Variants in DDX10 observed in about 807,000 individuals in gnomAD.
The protein encoded by DDX10 is DEAD-box helicase 10.
A neutral mutation model predicts 104.3 loss-of-function variants in DDX10; 74 were observed. The observed-to-expected ratio is 0.71, with a 90% CI of 0.59 to 0.86. The LOEUF (loss-of-function observed/expected upper bound fraction) is 0.86. DDX10 is among the 40% of genes least tolerant of loss of function. The pLI, the probability that DDX10 is intolerant of heterozygous loss-of-function variation, is 0.00. For missense variants in DDX10, 952 were observed against 1,040.0 expected, an observed-to-expected ratio of 0.92 and a Z score of 1.16; for synonymous variants, 351 against 353.4, an observed-to-expected ratio of 0.99 and a Z score of 0.08.
chr11:108,704,448 T>G (rs1455362913), intron 9 of DDX10, among the ~76,000 whole-genome samples: 19 of 152,204 alleles, frequency 1.2e-4, no homozygotes, highest in Admixed American at 1.2e-3. Context: ...TCAAGGGCGT[T>G]TTGGAAGTGT....
intron 9 of DDX10, among the ~76,000 whole-genome samples, chr11:108,705,275 T>G (rs1029762191): frequency 6.6e-6 from 1 of 152,232 alleles, no homozygotes; most frequent in African/African-American, 2.4e-5. Context: ...CCTTATTCTC[T>G]TCACTACTTT....
intron 16 of DDX10, among the ~76,000 whole-genome samples, chr11:108,862,551 G>C (rs1479093544): frequency 1.3e-5 from 2 of 152,144 alleles, no homozygotes; most frequent in Admixed American, 6.5e-5. Flanking sequence ...AAATCCCCTT[G>C]TTCCAAGAAG....
In DDX10 at chr11:108,665,091, G is replaced by T. The variant is rs533821675; in HGVS notation, c.-63G>T. 105 of 1,487,234 alleles carry T rather than the reference G, an allele frequency of 7.1e-5. No individual in the cohort carries two copies. The East Asian group carries it at 2.2e-3, about 32-fold the overall frequency. The allele number at this position is 1,487,234 out of a possible 1,614,324, so 92.1% of individuals were successfully genotyped here. A position where few individuals can be genotyped will look rare whatever the true frequency, so the allele number is the denominator to read the frequency against. ...TGTGCGTTTGTCCCATGCTGGTTCC[G>T]TGAGTCTGGCCTTAGGTGTCTCGTG... On this transcript the variant is annotated 5_prime_UTR_variant, in exon 1 of 18. Coordinates refer to ENST00000322536, the MANE Select transcript of DDX10 (RefSeq NM_004398.4).
chr11:108,677,345 A>G lies in DDX10; in HGVS notation c.537+102A>G, dbSNP rs1199165290. On this transcript the variant is annotated intron_variant, in intron 4 of 17. Coordinates refer to ENST00000322536, the MANE Select transcript of DDX10 (RefSeq NM_004398.4). ...GCAGAGACTTCATCTAAACAGACTG[A>G]CCTAGACCAGGGCCTCATGGGATAG... 38 of 1,067,848 alleles carry G rather than the reference A, an allele frequency of 3.6e-5. No homozygotes were observed. The Admixed American group carries it at 8.7e-4, about 24-fold the overall frequency. 66.1% of individuals were successfully genotyped at this position (1,067,848 alleles called of 1,614,324 possible). A position where few individuals can be genotyped will look rare whatever the true frequency, so the allele number is the denominator to read the frequency against.
chr11:108,803,281 C>G (rs961483611), intron 13 of DDX10, among the ~76,000 whole-genome samples: 1 of 146,530 alleles, frequency 6.8e-6, no homozygotes, highest in African/African-American at 2.5e-5. Flanking sequence ...TTTTAAAGAA[C>G]CTTGGAACCT....
chr11:108,825,551 C>T, intron 13 of DDX10, among the ~76,000 whole-genome samples: 1 of 152,138 alleles, frequency 6.6e-6, no homozygotes, highest in East Asian at 1.9e-4. Flanking sequence ...CAGCTGAGAT[C>T]ACTGCATATC....
chr11:108,890,207 G>A (rs1025256666), intron 16 of DDX10, among the ~76,000 whole-genome samples: 1 of 152,028 alleles, frequency 6.6e-6, no homozygotes, highest in African/African-American at 2.4e-5. Context: ...AATCATTATC[G>A]ATTGTAAAAA....
chr11:108,912,665 T>C (rs1425181105), intron 16 of DDX10, among the ~76,000 whole-genome samples: 2 of 152,156 alleles, frequency 1.3e-5, no homozygotes, highest in Non-Finnish European at 2.9e-5. Flanking sequence ...ATTAGATAGC[T>C]ACAAAGATAA....
At chr11:108,873,636 A>G (rs1863111979) in intron 16 of DDX10, among the ~76,000 whole-genome samples, 1 of 152,166 alleles carries the variant, frequency 6.6e-6, no homozygotes, top group South Asian at 2.1e-4. Flanking sequence ...CTTATAAAGA[A>G]TCTCAAATTT....
chr11:108,879,789 G>A (rs569123206), intron 16 of DDX10, among the ~76,000 whole-genome samples: 37 of 152,146 alleles, frequency 2.4e-4, no homozygotes, highest in African/African-American at 5.8e-4. Context: ...CATTCTAATG[G>A]GGTTATTATG....
chr11:108,836,911 C>T (rs529056860), intron 13 of DDX10, among the ~76,000 whole-genome samples: 43 of 152,192 alleles, frequency 2.8e-4, no homozygotes, highest in Non-Finnish European at 5.4e-4. Context: ...TGCGCTGCTT[C>T]CCAAAGCTTC....
At chr11:108,900,303 G>A (rs932232369) in intron 16 of DDX10, among the ~76,000 whole-genome samples, 4 of 152,064 alleles carry the variant, frequency 2.6e-5, no homozygotes, top group African/African-American at 9.7e-5. Flanking sequence ...CTGGTCTCAG[G>A]TATTTCTTTA....
At chr11:108,839,509 A>G (rs1363904072) in intron 14 of DDX10, among the ~76,000 whole-genome samples, 1 of 152,204 alleles carries the variant, frequency 6.6e-6, no homozygotes, top group Non-Finnish European at 1.5e-5. Flanking sequence ...ACAAAAATTT[A>G]TTGATTGAAT....
chr11:108,709,804 CTGCT>C (rs1356220748), intron 10 of DDX10, among the ~76,000 whole-genome samples: 1 of 151,614 alleles, frequency 6.6e-6, no homozygotes, highest in Non-Finnish European at 1.5e-5. Context: ...CTTATTTATT[CTGCT>C]TGCTTTTGAT....
At chr11:108,891,446 G>T (rs1216691899) in intron 16 of DDX10, among the ~76,000 whole-genome samples, 1 of 152,114 alleles carries the variant, frequency 6.6e-6, no homozygotes, top group African/African-American at 2.4e-5. Context: ...TCTTACATGT[G>T]CAGAAAGCAT....
chr11:108,899,170 G>A (rs567350019), intron 16 of DDX10, among the ~76,000 whole-genome samples: 2 of 151,460 alleles, frequency 1.3e-5, no homozygotes, highest in Non-Finnish European at 2.9e-5. Flanking sequence ...TAAATGCACT[G>A]GTCTATATCA....
chr11:108,826,870 TA>T (rs1287953434), intron 13 of DDX10, among the ~76,000 whole-genome samples: 1 of 152,216 alleles, frequency 6.6e-6, no homozygotes, highest in Non-Finnish European at 1.5e-5. Context: ...GTCATGGATT[TA>T]AAGTTGAAAA....
intron 13 of DDX10, among the ~76,000 whole-genome samples, chr11:108,826,907 G>T: frequency 6.6e-6 from 1 of 152,104 alleles, no homozygotes; most frequent in South Asian, 2.1e-4. Context: ...TCTCAAATTA[G>T]CAATTCTCAA....
chr11:108,749,110 C>A (rs2094335347), intron 13 of DDX10, among the ~76,000 whole-genome samples: 1 of 151,170 alleles, frequency 6.6e-6, no homozygotes, highest in Non-Finnish European at 1.5e-5. Context: ...TATATAGTTT[C>A]TTGATGATCT....
Sources: gnomAD v4.1 joint callset for allele counts (sites outside exome capture counted in the v4.1 genomes callset) on GRCh38, gnomAD v4.1.1 for gene constraint, MANE v1.5 for transcripts, NCBI Gene and HGNC (gene_info 2026-07-23, HGNC 2026-07-21) for gene names.